Variants in MCF2L2 observed in about 807,000 individuals in gnomAD.
The protein encoded by MCF2L2 is MCF.2 cell line derived transforming sequence-like 2.
MCF2L2 carries 102 observed loss-of-function variants against 150.2 expected under a neutral mutation model. The observed-to-expected ratio is 0.68, with a 90% CI of 0.58 to 0.80. MCF2L2 has a LOEUF of 0.80. MCF2L2 is among the 30% of genes least tolerant of loss of function. MCF2L2 has a pLI of 0.00. For missense variants in MCF2L2, 1,256 were observed against 1,372.8 expected (o/e 0.91, Z 1.34); for synonymous variants, 465 against 491.3 (o/e 0.95, Z 0.71).
chr3:183,229,834 A>T, intron 16 of MCF2L2, 53 bp from the exon 17 acceptor site: 1 of 758,230 alleles, frequency 1.3e-6, no homozygotes, highest in Non-Finnish European at 2.2e-6. Flanking sequence ...ACCAGAGATC[A>T]TCTGAATTAG....
intron 13 of MCF2L2, among the ~76,000 whole-genome samples, chr3:183,292,512 A>C (rs926120587): frequency 2.0e-5 from 3 of 152,028 alleles, no homozygotes; most frequent in Non-Finnish European, 4.4e-5. Context: ...TCAAATCTAT[A>C]ATAAGGAATG....
chr3:183,379,565 A>G (rs1304809811), intron 2 of MCF2L2, among the ~76,000 whole-genome samples, 154 bp from the exon 3 acceptor site: 2 of 152,232 alleles, frequency 1.3e-5, no homozygotes, highest in Non-Finnish European at 2.9e-5. Context: ...ATTTTGAACA[A>G]GTCTCTCTTC....
At position 183,355,668 on chromosome 3, in the gene MCF2L2, G is replaced by A. The variant is rs552669248; in HGVS notation, c.276-14038C>T. On this transcript the variant is annotated intron_variant, in intron 3 of 29. Transcript: ENST00000328913. ...TTTTTAGTAGAGACAGGGTTTCACC[G>A]TGTTAGCCAGGATGGTCTTGATCTC... Among the ~76,000 whole-genome samples the A allele has an allele frequency of 4.6e-4, 60 of 129,320 alleles. No homozygotes were observed. The South Asian group carries it at 0.013, about 28-fold the overall frequency. 84.8% of individuals were successfully genotyped at this position (129,320 alleles called of 152,430 possible). A position where few individuals can be genotyped will look rare whatever the true frequency, so the allele number is the denominator to read the frequency against.
chr3:183,349,375 T>C (rs1034319693), intron 3 of MCF2L2, among the ~76,000 whole-genome samples: 2 of 152,242 alleles, frequency 1.3e-5, no homozygotes, highest in African/African-American at 4.8e-5. Flanking sequence ...CACATGAATG[T>C]TGACATACTG....
chr3:183,397,957 G>A (rs1714552624), intron 1 of MCF2L2, among the ~76,000 whole-genome samples: 3 of 152,184 alleles, frequency 2.0e-5, no homozygotes, highest in Admixed American at 2.0e-4. Context: ...CTACTGACAG[G>A]AAAGGAGGTT....
At chr3:183,390,280 T>G (rs1397398276) in intron 1 of MCF2L2, among the ~76,000 whole-genome samples, 2 of 150,942 alleles carry the variant, frequency 1.3e-5, no homozygotes, top group Non-Finnish European at 2.9e-5. Flanking sequence ...TCTCCATTCC[T>G]TTTTTTCCCC....
At chr3:183,282,422 G>A (rs1727552699) in intron 14 of MCF2L2, among the ~76,000 whole-genome samples, 1 of 151,980 alleles carries the variant, frequency 6.6e-6, no homozygotes. Context: ...TCATCGTCTG[G>A]ACTAATACTC....
intron 27 of MCF2L2, among the ~76,000 whole-genome samples, chr3:183,186,895 T>C (rs1205718099): frequency 6.6e-6 from 1 of 152,242 alleles, no homozygotes; most frequent in Non-Finnish European, 1.5e-5. Flanking sequence ...TGCAAGAAGA[T>C]ATTAATGGTG....
At chr3:183,180,191 T>G in intron 27 of MCF2L2, 32 bp from the exon 28 acceptor site, 14 of 1,397,110 alleles carry the variant, frequency 1.0e-5, no homozygotes, top group Non-Finnish European at 1.2e-5. Context: ...ATGGGGCCTC[T>G]GTGGGGTGGG....
chr3:183,405,108 A>C (rs60699040), intron 1 of MCF2L2, among the ~76,000 whole-genome samples: 3,100 of 152,252 alleles, frequency 0.02, 120 homozygotes, highest in African/African-American at 0.071. Context: ...AATCTATATA[A>C]TTCTATCTGT....
At chr3:183,384,865 T>G (rs1306958353) in intron 2 of MCF2L2, among the ~76,000 whole-genome samples, 2 of 152,156 alleles carry the variant, frequency 1.3e-5, no homozygotes, top group Admixed American at 1.3e-4. Context: ...AGCCCACCCT[T>G]GCAGATATAG....
chr3:183,321,020 A>C (rs1044236008), intron 6 of MCF2L2, among the ~76,000 whole-genome samples: 2 of 152,206 alleles, frequency 1.3e-5, no homozygotes, highest in African/African-American at 4.8e-5. Flanking sequence ...CAGTTGGTGG[A>C]TCAGTCAGAA....
chr3:183,339,552 T>C (rs61073448), intron 4 of MCF2L2, among the ~76,000 whole-genome samples: 33,728 of 152,156 alleles, frequency 0.22, 4,778 homozygotes, highest in African/African-American at 0.39. Context: ...AGTCGTAAAA[T>C]AATTACTGAA....
chr3:183,402,561 A>C (rs1161739606), intron 1 of MCF2L2, among the ~76,000 whole-genome samples: 1 of 151,440 alleles, frequency 6.6e-6, no homozygotes, highest in Non-Finnish European at 1.5e-5. Flanking sequence ...TAGCACATTG[A>C]GAGGCTGAGG....
rs1375834975 is a variant in MCF2L2, at chr3:183,283,014, T to C, written c.1777-6057A>G. On this transcript the variant is annotated intron_variant, in intron 14 of 29. Coordinates refer to ENST00000328913, the MANE Select transcript of MCF2L2 (RefSeq NM_015078.4). The surrounding 1 kb of genome is among the most constrained non-coding windows in gnomAD (Gnocchi z 4.2). ...CTTCTTATGTTCTTCCTAAGTACTT[T>C]ATCGGGCCAACAAATTCATCCCATG... is the stretch of plus-strand genomic sequence containing the variant. 6.6e-6 allele frequency among the ~76,000 whole-genome samples: 1 copy of C among 152,212 alleles called. No homozygotes were observed. The highest frequency in any genetic ancestry group is 6.5e-5 in the Admixed American group (1 of 15,282).
chr3:183,388,923 G>C (rs1713981019), intron 2 of MCF2L2, among the ~76,000 whole-genome samples: 1 of 152,084 alleles, frequency 6.6e-6, no homozygotes, highest in South Asian at 2.1e-4. Flanking sequence ...TATTCTCTCT[G>C]TGATGTAACT....
At chr3:183,353,050 T>C (rs1185995178) in intron 3 of MCF2L2, among the ~76,000 whole-genome samples, 2 of 152,186 alleles carry the variant, frequency 1.3e-5, no homozygotes, top group African/African-American at 2.4e-5. Context: ...GTCCATGAGT[T>C]GGTAATTGTT....
intron 1 of MCF2L2, among the ~76,000 whole-genome samples, chr3:183,423,006 T>C (rs894657572): frequency 6.6e-6 from 1 of 152,236 alleles, no homozygotes; most frequent in Non-Finnish European, 1.5e-5. Context: ...AAATTTTATT[T>C]TGCACTTTTA....
At chr3:183,400,465 G>C (rs1170646526) in intron 1 of MCF2L2, 1 of 456,514 alleles carries the variant, frequency 2.2e-6, no homozygotes, top group Admixed American at 2.4e-5. Flanking sequence ...GGATCTTGCT[G>C]CTCACACTTC....
Sources: allele counts gnomAD v4.1 joint callset (sites outside exome capture counted in the v4.1 genomes callset), GRCh38; gene constraint gnomAD v4.1.1; non-coding constraint Gnocchi (gnomAD v3.1); transcripts MANE v1.5; gene names NCBI Gene and HGNC (gene_info 2026-07-23, HGNC 2026-07-21).